The following NDRG1 variants were observed in gnomAD, a reference collection of about 807,000 sequenced individuals.
NDRG1 encodes the protein protein NDRG1.
A neutral mutation model predicts 56.9 loss-of-function variants in NDRG1; 32 were observed. That is an observed-to-expected ratio of 0.56 (90% CI 0.42 to 0.76). The LOEUF is 0.76. Ranked by LOEUF, NDRG1 falls within the 30% of genes least tolerant of loss-of-function variation. The probability of loss-of-function intolerance (pLI) is 0.00; values close to 1 mark genes in which losing one functional copy is unlikely to be tolerated. For synonymous variants in NDRG1, 211 were observed against 204.1 expected, an observed-to-expected ratio of 1.03 and a Z score of -0.29; for missense variants, 507 against 545.7, an observed-to-expected ratio of 0.93 and a Z score of 0.71.
chr8:133,292,863 G>A (rs2130813474), intron 1 of NDRG1, among the ~76,000 whole-genome samples: 1 of 152,328 alleles, frequency 6.6e-6, no homozygotes, highest in East Asian at 1.9e-4. Flanking sequence ...GACTGTTAAG[G>A]AGCCTCACTT....
intron 9 of NDRG1, among the ~76,000 whole-genome samples, chr8:133,251,165 G>A (rs1162625539): frequency 6.6e-6 from 1 of 152,190 alleles, no homozygotes; most frequent in Non-Finnish European, 1.5e-5. Context: ...TGGGGAAGTC[G>A]GCCTCAGCCT....
intron 13 of NDRG1, among the ~76,000 whole-genome samples, chr8:133,245,944 G>C (rs1216628319): frequency 6.6e-6 from 1 of 152,220 alleles, no homozygotes; most frequent in African/African-American, 2.4e-5. Flanking sequence ...GGGAAGTTGA[G>C]GGCACGGTGA....
In NDRG1 at chr8:133,246,563, T is replaced by C. The variant is rs1855691019; in HGVS notation, c.855+53A>G. 7 of 1,580,792 alleles carry C rather than the reference T, an allele frequency of 4.4e-6. No individual in the cohort carries two copies. In the South Asian group the frequency reaches 7.7e-5, roughly 17 times the overall value. ...GCCTAACTCAATGTTGCAGAAAACG[T>C]CTGAGAGTTTCTAAGAAATAACAAA... On this transcript the variant is annotated intron_variant, in intron 13 of 15. Coordinates refer to ENST00000323851, the MANE Select transcript of NDRG1 (RefSeq NM_006096.4).
Position 133,264,779 on chromosome 8 carries a change from C to T in NDRG1, c.100-127G>A, listed in dbSNP as rs530757781. ...TCTTCTCATCTGGCCATAAGAGCCC[C>T]GGCTTCGGGCAGCAGCTCTCTCTGG... On this transcript the variant is annotated intron_variant, in intron 3 of 15. Coordinates refer to ENST00000323851, the MANE Select transcript of NDRG1 (RefSeq NM_006096.4). 58 of 788,092 alleles carry T rather than the reference C, an allele frequency of 7.4e-5. 1 individual carries two copies. Among genetic ancestry groups the T allele is most frequent in the South Asian group, 5.9e-4 (41 of 69,076 alleles). The allele number at this position is 788,092 out of a possible 1,614,324, so 48.8% of individuals were successfully genotyped here. A position where few individuals can be genotyped will look rare whatever the true frequency, so the allele number is the denominator to read the frequency against.
chr8:133,289,427 C>T (rs951243452), intron 1 of NDRG1, among the ~76,000 whole-genome samples: 3 of 152,060 alleles, frequency 2.0e-5, no homozygotes, highest in Admixed American at 6.5e-5. Context: ...AGAGTCCCAG[C>T]GAGGAGAGGG....
intron 3 of NDRG1, among the ~76,000 whole-genome samples, chr8:133,278,661 C>T (rs1273483967): frequency 1.3e-5 from 2 of 152,120 alleles, no homozygotes; most frequent in Non-Finnish European, 2.9e-5. Context: ...AATGGTGCCT[C>T]TCCTGTTATC....
At chr8:133,256,548 T>C (rs1161524368) in intron 8 of NDRG1, among the ~76,000 whole-genome samples, 1 of 152,200 alleles carries the variant, frequency 6.6e-6, no homozygotes, top group Non-Finnish European at 1.5e-5. Flanking sequence ...TCCCAGTGCT[T>C]TCCCTGGCTT....
At chr8:133,264,007 GAATAAAGGA>G (rs1856786859) in intron 4 of NDRG1, among the ~76,000 whole-genome samples, 1 of 151,714 alleles carries the variant, frequency 6.6e-6, no homozygotes, top group Non-Finnish European at 1.5e-5. Flanking sequence ...TTCAATAAAG[GAATAAAGGA>G]AATACAAATA....
Position 133,256,772 on chromosome 8 carries a change from C to G in NDRG1, c.537+5G>C. On this transcript the variant is annotated splice_donor_5th_base_variant and intron_variant, in intron 8 of 15. Coordinates refer to ENST00000323851, the MANE Select transcript of NDRG1 (RefSeq NM_006096.4). ...TCCCGCCGGCCTGACAGGCCCCCACCTCACCTTGGAGGCGGCCCAGTCCAT... is the reference window on the plus strand; with the variant it reads ...TCCCGCCGGCCTGACAGGCCCCCACGTCACCTTGGAGGCGGCCCAGTCCAT... 6.2e-7 allele frequency: 1 copy of G among 1,614,126 alleles called. No homozygotes were observed. Among genetic ancestry groups the G allele is most frequent in the Non-Finnish European group, 8.5e-7 (1 of 1,180,024 alleles).
At chr8:133,274,523 G>A (rs1417555899) in intron 3 of NDRG1, among the ~76,000 whole-genome samples, 2 of 152,220 alleles carry the variant, frequency 1.3e-5, no homozygotes, top group Non-Finnish European at 2.9e-5. Flanking sequence ...CTGCCCAGGA[G>A]GGAGCCCTAT....
chr8:133,259,333 A>G lies in NDRG1; in HGVS notation c.327-103T>C, dbSNP rs1411145629. The G allele has an allele frequency of 4.3e-6, 5 of 1,174,640 alleles. No homozygotes were observed. In the East Asian group the frequency reaches 7.0e-5, roughly 16 times the overall value. The allele number at this position is 1,174,640 out of a possible 1,614,324, so 72.8% of individuals were successfully genotyped here. ...TGGGGACCATGCAGCAGCCTGCCCCATGCACCCAGACCCCCCCACCCCCAA... is the reference window on the plus strand; with the variant it reads ...TGGGGACCATGCAGCAGCCTGCCCCGTGCACCCAGACCCCCCCACCCCCAA... On this transcript the variant is annotated intron_variant, in intron 5 of 15. Coordinates refer to ENST00000323851, the MANE Select transcript of NDRG1 (RefSeq NM_006096.4).
rs146930434 is a variant in NDRG1, at chr8:133,250,068, T to A, written c.698+372A>T. Among the ~76,000 whole-genome samples the A allele has an allele frequency of 2.1e-4, 32 of 152,332 alleles. No individual in the cohort carries two copies. The East Asian group carries it at 5.6e-3, about 27-fold the overall frequency. The stretch of plus-strand genomic sequence containing the variant: ...AACTCCCAGAAGCCTGCCTGGATTA[T>A]CCCCGGCCTCCAGGAGTGCTTTGCT... On this transcript the variant is annotated intron_variant, in intron 10 of 15. Coordinates refer to ENST00000323851, the MANE Select transcript of NDRG1 (RefSeq NM_006096.4).
intron 2 of NDRG1, among the ~76,000 whole-genome samples, chr8:133,283,059 A>T (rs1442452374): frequency 6.6e-6 from 1 of 152,238 alleles, no homozygotes; most frequent in Non-Finnish European, 1.5e-5. Flanking sequence ...CCACATGTAG[A>T]GTCATAAGGA....
At chr8:133,284,830 C>T (rs150315072) in intron 1 of NDRG1, 3 of 456,884 alleles carry the variant, frequency 6.6e-6, no homozygotes, top group Admixed American at 2.3e-5. Context: ...GACGCACAGA[C>T]ACACAGGCAC....
chr8:133,258,514 G>A (rs1216533802), intron 6 of NDRG1, 88 bp from the exon 7 acceptor site: 3 of 1,299,812 alleles, frequency 2.3e-6, no homozygotes, highest in East Asian at 5.0e-5. Context: ...GAGGGTGACC[G>A]CCTGGCTAGG....
chr8:133,268,364 C>T (rs557291639), intron 3 of NDRG1, among the ~76,000 whole-genome samples: 2 of 152,306 alleles, frequency 1.3e-5, no homozygotes, highest in African/African-American at 2.4e-5. Context: ...CACTTCACCC[C>T]AGCTCATGAG....
At chr8:133,277,942 C>T (rs1029771548) in intron 3 of NDRG1, among the ~76,000 whole-genome samples, 9 of 152,104 alleles carry the variant, frequency 5.9e-5, no homozygotes, top group East Asian at 1.9e-4. Flanking sequence ...ATGGGGCTTG[C>T]GCTTCACTCT....
rs367925853 is a variant in NDRG1, at chr8:133,238,954, G to A, written c.1109C>T (p.Ala370Val). Residue 370 changes from alanine to valine, a missense_variant, in exon 16 of 16, where the codon GCC (alanine) becomes GTC (valine). Transcript: ENST00000323851. Reference protein sequence around the residue: ...TRSRSHTSEGAHLDITPNSGA... With the variant: ...TRSRSHTSEGVHLDITPNSGA... ...CGAGTTGGGGGTGATGTCCAGGTGG[G>A]CCCCCTCGCTGGTGTGCGAGCGGCT... 5.1e-5 allele frequency: 81 copies of A among 1,576,934 alleles called. No homozygotes were observed. Among genetic ancestry groups the A allele is most frequent in the Admixed American group, 5.6e-5 (3 of 53,492 alleles).
chr8:133,296,363 C>A, intron 1 of NDRG1: 1 of 417,696 alleles, frequency 2.4e-6, no homozygotes, highest in Non-Finnish European at 4.9e-6. Context: ...CAGGTCACTT[C>A]TCCCACGCCG....
Sources: allele counts gnomAD v4.1 joint callset (sites outside exome capture counted in the v4.1 genomes callset), GRCh38; gene constraint gnomAD v4.1.1; transcripts MANE v1.5; gene names NCBI Gene and HGNC (gene_info 2026-07-23, HGNC 2026-07-21).